ALK: variants seen among roughly 807,000 people sequenced by gnomAD.
ALK encodes the protein ALK tyrosine kinase receptor.
ALK carries 74 observed loss-of-function variants against 163.1 expected under a neutral mutation model. The ratio of observed to expected loss-of-function variants is 0.45; its 90% CI spans 0.38 to 0.55. The LOEUF is 0.55. Ranked by LOEUF, ALK falls within the 20% of genes least tolerant of loss-of-function variation. The pLI, the probability that ALK is intolerant of heterozygous loss-of-function variation, is 0.00. For synonymous variants in ALK, 960 were observed against 843.2 expected (o/e 1.14, Z -2.40); for missense variants, 2,063 against 2,105.3 (o/e 0.98, Z 0.39).
chr2:29,371,550 C>T (rs1306343271), intron 5 of ALK, among the ~76,000 whole-genome samples: 3 of 152,236 alleles, frequency 2.0e-5, no homozygotes, highest in Admixed American at 6.5e-5. Context: ...CACCCTACCC[C>T]ACCAAACAAA....
At chr2:29,627,501 G>T (rs1213021079) in intron 3 of ALK, among the ~76,000 whole-genome samples, 1 of 151,660 alleles carries the variant, frequency 6.6e-6, no homozygotes, top group African/African-American at 2.4e-5. Context: ...GTGGGCCAGG[G>T]AATTGAGAAG....
intron 4 of ALK, among the ~76,000 whole-genome samples, chr2:29,388,867 A>G (rs1669094044): frequency 6.6e-6 from 1 of 152,240 alleles, no homozygotes; most frequent in East Asian, 1.9e-4. Context: ...ATGCATCTTT[A>G]TACGTTAAAT....
intron 4 of ALK, among the ~76,000 whole-genome samples, chr2:29,521,542 A>C (rs971453786): frequency 6.6e-6 from 1 of 152,246 alleles, no homozygotes; most frequent in African/African-American, 2.4e-5. Context: ...ACCATAAGAG[A>C]ATGCATTTCT....
intron 8 of ALK, among the ~76,000 whole-genome samples, chr2:29,297,302 T>C (rs1397282456): frequency 2.0e-5 from 3 of 152,130 alleles, no homozygotes; most frequent in Non-Finnish European, 4.4e-5. Context: ...TGATGGGCAG[T>C]TTTGGAACTT....
At chr2:29,306,363 A>G (rs1666509607) in intron 8 of ALK, among the ~76,000 whole-genome samples, 1 of 152,172 alleles carries the variant, frequency 6.6e-6, no homozygotes, top group African/African-American at 2.4e-5. Context: ...CCATACATGG[A>G]GTGCAATGCC....
intron 4 of ALK, among the ~76,000 whole-genome samples, chr2:29,468,710 T>C (rs1410417380): frequency 7.1e-6 from 1 of 141,340 alleles, no homozygotes; most frequent in East Asian, 1.9e-4. Context: ...AAAATGTAGC[T>C]GGGTATGGCA....
intron 3 of ALK, among the ~76,000 whole-genome samples, chr2:29,586,223 T>C (rs1408734084): frequency 6.8e-6 from 1 of 147,658 alleles, no homozygotes. Context: ...TGCCCATTTT[T>C]TTGGGGGGGA....
intron 12 of ALK, among the ~76,000 whole-genome samples, chr2:29,241,412 T>C (rs1210407900): frequency 6.6e-6 from 1 of 151,908 alleles, no homozygotes; most frequent in African/African-American, 2.4e-5. Flanking sequence ...AAGGAGCTCA[T>C]GGGTGAAAGC....
intron 4 of ALK, among the ~76,000 whole-genome samples, chr2:29,419,797 C>A (rs1180196028): frequency 1.3e-5 from 2 of 151,430 alleles, no homozygotes; most frequent in Non-Finnish European, 1.5e-5. Flanking sequence ...CCTTGGGAAG[C>A]TACTGCAGGA....
rs115826391 is a variant in ALK at position 29,259,058 on chromosome 2, C to T, written c.2042-7791G>A. Among the ~76,000 whole-genome samples the T allele has an allele frequency of 6.6e-3, 999 of 152,218 alleles. 22 individuals are homozygous for T. The highest frequency in any genetic ancestry group is 0.022 in the African/African-American group (928 of 41,556). ...TGATATTTCCAACTCAAATTCAGGACGACAGGACTTTTTATTTAACCTCGT... is the reference window on the plus strand; with the variant it reads ...TGATATTTCCAACTCAAATTCAGGATGACAGGACTTTTTATTTAACCTCGT... On this transcript the variant is annotated intron_variant, in intron 11 of 28. Coordinates refer to ENST00000389048, the MANE Select transcript of ALK (RefSeq NM_004304.5).
intron 2 of ALK, among the ~76,000 whole-genome samples, chr2:29,715,281 T>A (rs1185181482): frequency 6.6e-6 from 1 of 152,224 alleles, no homozygotes; most frequent in Non-Finnish European, 1.5e-5. Context: ...TGGTGATGAC[T>A]TGGGTACTCT....
At chr2:29,311,622 G>A (rs903407895) in intron 8 of ALK, among the ~76,000 whole-genome samples, 6 of 152,190 alleles carry the variant, frequency 3.9e-5, no homozygotes, top group Admixed American at 1.3e-4. Context: ...TCCCTGCCTT[G>A]AGTGACCTCG....
chr2:29,912,470 A>G (rs1558545767), intron 1 of ALK, among the ~76,000 whole-genome samples: 1 of 152,140 alleles, frequency 6.6e-6, no homozygotes, highest in Admixed American at 6.5e-5. Flanking sequence ...TGAACCTAGT[A>G]AAAATATCCT....
At chr2:29,617,232 A>ACTTCTTGTC (rs1440105027) in intron 3 of ALK, among the ~76,000 whole-genome samples, 1 of 152,002 alleles carries the variant, frequency 6.6e-6, no homozygotes, top group African/African-American at 2.4e-5. Context: ...ACAGCCCCCC[A>ACTTCTTGTC]CTTCTTGTCT....
intron 8 of ALK, among the ~76,000 whole-genome samples, chr2:29,297,276 C>T (rs1423141653): frequency 6.6e-6 from 1 of 151,996 alleles, no homozygotes; most frequent in East Asian, 1.9e-4. Flanking sequence ...AATTTTTTTT[C>T]TTGGGCAGGG....
intron 1 of ALK, among the ~76,000 whole-genome samples, chr2:29,794,446 T>C (rs1664258586): frequency 6.6e-6 from 1 of 152,166 alleles, no homozygotes; most frequent in Non-Finnish European, 1.5e-5. Context: ...TTTTCAATAA[T>C]TTTCCTTTCC....
intron 19 of ALK, among the ~76,000 whole-genome samples, chr2:29,224,382 T>C (rs757831045): frequency 2.0e-5 from 3 of 152,284 alleles, no homozygotes; most frequent in Middle Eastern, 3.4e-3. Context: ...CCTGTTTCCC[T>C]AACCACTGCC....
At chr2:29,531,345 T>C (rs1440723717) in intron 4 of ALK, among the ~76,000 whole-genome samples, 1 of 152,076 alleles carries the variant, frequency 6.6e-6, no homozygotes, top group African/African-American at 2.4e-5. Flanking sequence ...GATCACTGAG[T>C]AAGCAAGTAT....
intron 1 of ALK, among the ~76,000 whole-genome samples, chr2:29,891,866 T>C (rs1246523483): frequency 6.6e-6 from 1 of 152,204 alleles, no homozygotes; most frequent in East Asian, 1.9e-4. Flanking sequence ...ATCCAGCTTC[T>C]CTCTGTACAA....
Sources: allele counts gnomAD v4.1 joint callset (sites outside exome capture counted in the v4.1 genomes callset), GRCh38; gene constraint gnomAD v4.1.1; transcripts MANE v1.5; gene names NCBI Gene and HGNC (gene_info 2026-07-23, HGNC 2026-07-21).